Variants in RANBP2 observed in about 807,000 individuals in gnomAD.
RANBP2 encodes the protein RAN binding protein 2, also known as E3 SUMO-protein ligase RanBP2.
RANBP2 carries 57 observed loss-of-function variants against 303.6 expected under a neutral mutation model. The ratio of observed to expected loss-of-function variants is 0.19; its 90% CI spans 0.15 to 0.23. RANBP2 has a LOEUF of 0.23. Ranked by LOEUF, RANBP2 falls within the 10% of genes least tolerant of loss-of-function variation. The pLI is 1.00. For missense variants in RANBP2, 3,138 were observed against 3,780.8 expected (o/e 0.83, Z 4.46); for synonymous variants, 1,167 against 1,301.5 (o/e 0.90, Z 2.23).
chr2:108,915,811 C>T, the RANBP2 span, among the ~76,000 whole-genome samples: 2 of 152,046 alleles, frequency 1.3e-5, no homozygotes, highest in African/African-American at 2.4e-5. Flanking sequence ...GCAAGAGAAT[C>T]GCTGGAACCC....
At chr2:108,855,706 GT>G in the RANBP2 span, among the ~76,000 whole-genome samples, 1 of 152,098 alleles carries the variant, frequency 6.6e-6, no homozygotes. Flanking sequence ...TCTCAAAATA[GT>G]TTCATATGTA....
the RANBP2 span, chr2:108,846,795 G>GT: frequency 6.2e-7 from 1 of 1,612,526 alleles, no homozygotes; most frequent in Non-Finnish European, 8.5e-7. Flanking sequence ...TAAAGGAGTG[G>GT]TAACTAAAGG....
the RANBP2 span, among the ~76,000 whole-genome samples, chr2:109,413,099 G>A: frequency 1.3e-5 from 2 of 152,174 alleles, no homozygotes; most frequent in African/African-American, 4.8e-5. Context: ...TTTCTGACTT[G>A]TCTGATTATC....
chr2:109,234,832 AAGAG>A, the RANBP2 span, among the ~76,000 whole-genome samples: 1 of 152,212 alleles, frequency 6.6e-6, no homozygotes, highest in Non-Finnish European at 1.5e-5. Context: ...TCCTGAGAAA[AAGAG>A]AGATGGAATA....
intron 21 of RANBP2, 137 bp downstream of exon 21, chr2:108,772,008 A>C (rs753868632): frequency 8.1e-6 from 9 of 1,115,174 alleles, no homozygotes; most frequent in Non-Finnish European, 1.2e-5. Context: ...CCCTAAATGT[A>C]TGTGTAAATG....
the RANBP2 span, among the ~76,000 whole-genome samples, chr2:108,800,972 G>T: frequency 1.2e-5 from 1 of 85,688 alleles, no homozygotes. Flanking sequence ...ATTTTTTATG[G>T]CTGCATAGTA....
At chr2:109,337,946 G>C in the RANBP2 span, among the ~76,000 whole-genome samples, 1 of 151,842 alleles carries the variant, frequency 6.6e-6, no homozygotes, top group African/African-American at 2.4e-5. Context: ...TACCCCGGCT[G>C]GTCTGGAACT....
chr2:109,284,920 A>G, the RANBP2 span, among the ~76,000 whole-genome samples: 1 of 152,230 alleles, frequency 6.6e-6, no homozygotes, highest in African/African-American at 2.4e-5. Flanking sequence ...TGCTTCCCTG[A>G]TGACAGAGTT....
At chr2:109,070,529 T>G in the RANBP2 span, among the ~76,000 whole-genome samples, 1 of 151,942 alleles carries the variant, frequency 6.6e-6, no homozygotes, top group Admixed American at 6.6e-5. Context: ...GTGAGTGAGT[T>G]CTCAGTCTGG....
the RANBP2 span, among the ~76,000 whole-genome samples, chr2:109,204,034 G>A: frequency 0.85 from 129,447 of 152,170 alleles, 55,145 homozygotes; most frequent in East Asian, 0.89. Context: ...ATATCTTTGA[G>A]ACGTCAGGAG....
At chr2:108,989,433 C>T in the RANBP2 span, 1 of 152,442 alleles carries the variant, frequency 6.6e-6, no homozygotes, top group African/African-American at 2.4e-5. Flanking sequence ...GGGTGGGGGC[C>T]TTGCTTCTAT....
At chr2:108,817,719 C>A in the RANBP2 span, among the ~76,000 whole-genome samples, 1 of 152,192 alleles carries the variant, frequency 6.6e-6, no homozygotes, top group Non-Finnish European at 1.5e-5. Context: ...AATGGATCCT[C>A]CCTTAGCCTC....
the RANBP2 span, among the ~76,000 whole-genome samples, chr2:109,145,932 T>C: frequency 9.2e-5 from 14 of 152,176 alleles, no homozygotes; most frequent in Non-Finnish European, 1.3e-4. Context: ...CCTGGGTTCA[T>C]GTCTCCCTCC....
chr2:108,846,439 G>A, the RANBP2 span, among the ~76,000 whole-genome samples: 19 of 151,982 alleles, frequency 1.3e-4, no homozygotes, highest in South Asian at 8.3e-4. Flanking sequence ...AGCATTTTGG[G>A]AGGTCAAGGT....
At chr2:109,059,492 G>A in the RANBP2 span, among the ~76,000 whole-genome samples, 1 of 151,930 alleles carries the variant, frequency 6.6e-6, no homozygotes, top group Admixed American at 6.5e-5. Context: ...GGAGAATGGT[G>A]TGAATCCCGG....
At chr2:109,773,011 A>C in the RANBP2 span, among the ~76,000 whole-genome samples, 1 of 152,062 alleles carries the variant, frequency 6.6e-6, no homozygotes. Flanking sequence ...ATTTAAATGT[A>C]TTGCATGTAA....
the RANBP2 span, among the ~76,000 whole-genome samples, chr2:108,979,635 C>T: frequency 6.6e-6 from 1 of 152,084 alleles, no homozygotes; most frequent in African/African-American, 2.4e-5. Flanking sequence ...AGAAGAGAAG[C>T]CCCTCCTGCC....
At chr2:109,394,542 G>A in the RANBP2 span, among the ~76,000 whole-genome samples, 2 of 152,346 alleles carry the variant, frequency 1.3e-5, no homozygotes, top group South Asian at 4.1e-4. Flanking sequence ...AAGTTACCGA[G>A]ATGTTTAAAA....
chr2:108,918,641 G>A, the RANBP2 span, among the ~76,000 whole-genome samples: 1 of 152,158 alleles, frequency 6.6e-6, no homozygotes, highest in Non-Finnish European at 1.5e-5. Flanking sequence ...TGGTGACTCC[G>A]GGGAGGGTCC....
Sources: allele counts gnomAD v4.1 joint callset (sites outside exome capture counted in the v4.1 genomes callset), GRCh38; gene constraint gnomAD v4.1.1; transcripts MANE v1.5; gene names NCBI Gene and HGNC (gene_info 2026-07-23, HGNC 2026-07-21).